Variants in CALCOCO2 observed in about 807,000 individuals in gnomAD.
CALCOCO2 encodes calcium-binding and coiled-coil domain-containing protein 2.
CALCOCO2 carries 42 observed loss-of-function variants against 62.5 expected under a neutral mutation model. That is an observed-to-expected ratio of 0.67 (90% confidence interval 0.53 to 0.87). The LOEUF (loss-of-function observed/expected upper bound fraction) is 0.87, where lower values mean the gene tolerates loss of function less well. Among genes scored for constraint, CALCOCO2 ranks in the 40% least tolerant of loss-of-function variants. The pLI is 0.00. For missense variants in CALCOCO2, 456 were observed against 515.0 expected (o/e 0.89, Z 1.11); for synonymous variants, 167 against 173.0 (o/e 0.97, Z 0.27).
Position 48,863,029 on chromosome 17 carries a change from A to G in CALCOCO2, c.*24A>G. On this transcript the variant is annotated 3_prime_UTR_variant, in exon 13 of 13. Transcript: ENST00000258947. Reference sequence around the variant, plus strand: ...GAGTATCCCAACCTCTTGGATGTATACAGAGATTTTATAGAATAGAACCTA... The same window carrying G: ...GAGTATCCCAACCTCTTGGATGTATGCAGAGATTTTATAGAATAGAACCTA... 2 of 1,554,058 alleles carry G rather than the reference A, an allele frequency of 1.3e-6. No individual in the cohort carries two copies. The highest frequency in any genetic ancestry group is 8.9e-7 in the Non-Finnish European group (1 of 1,125,444).
intron 5 of CALCOCO2, among the ~76,000 whole-genome samples, chr17:48,850,272 C>A (rs1381530695): frequency 6.6e-6 from 1 of 151,944 alleles, no homozygotes; most frequent in African/African-American, 2.4e-5. Flanking sequence ...GCACTCTAGC[C>A]TGGGCAACAG....
chr17:48,832,891 T>C (rs967907803), intron 1 of CALCOCO2, among the ~76,000 whole-genome samples: 8 of 152,150 alleles, frequency 5.3e-5, no homozygotes, highest in African/African-American at 1.9e-4. Context: ...ACTATGGTGG[T>C]GTGGATGTGA....
Position 48,848,109 on chromosome 17 carries a change from A to C in CALCOCO2, c.226A>C (p.Thr76Pro). The change falls in exon 3 of 13, where the codon ACT (threonine) becomes CCT (proline). Residue 76 changes from threonine to proline, a missense_variant. Physicochemically the swap from Thr to Pro is conservative, Grantham distance 38. Coordinates refer to ENST00000258947, the MANE Select transcript of CALCOCO2 (RefSeq NM_005831.5). ...TGAGTATTACACCTTCATGTGGGTT[A>C]CTTTGCCCATTGACCTAAACAACAA... ...TREYYTFMWV[T>P]LPIDLNNKSA... is the part of the protein sequence containing the mutation. The C allele has an allele frequency of 6.2e-7, 1 of 1,613,736 alleles. No homozygotes were observed. Among genetic ancestry groups the C allele is most frequent in the African/African-American group, 1.3e-5 (1 of 75,032 alleles).
At chr17:48,856,653 ATTCATTCATTCATTCATTGG>A (rs1289521859) in intron 10 of CALCOCO2, 2 of 453,572 alleles carry the variant, frequency 4.4e-6, no homozygotes, top group Non-Finnish European at 8.8e-6. Context: ...TCATTCATTC[ATTCATTCATTCATTCATTGG>A]TTCATTCATT....
intron 5 of CALCOCO2, among the ~76,000 whole-genome samples, chr17:48,849,901 T>C (rs896743579): frequency 9.2e-5 from 14 of 152,030 alleles, no homozygotes. Flanking sequence ...CTCACACCTG[T>C]AATACCAGCA....
At chr17:48,855,978 G>T (rs2040209338) in intron 9 of CALCOCO2, 114 bp from the exon 10 acceptor site, 1 of 478,932 alleles carries the variant, frequency 2.1e-6, no homozygotes. Context: ...TCCCAGTTGC[G>T]TTCTCCTCCA....
intron 1 of CALCOCO2, among the ~76,000 whole-genome samples, chr17:48,841,078 C>T (rs1304751000): frequency 6.6e-6 from 1 of 152,172 alleles, no homozygotes; most frequent in Non-Finnish European, 1.5e-5. Context: ...GAAACAGGCA[C>T]AGAGCCAGCA....
intron 1 of CALCOCO2, 75 bp from the exon 2 acceptor site, chr17:48,841,622 TG>T: frequency 9.6e-7 from 1 of 1,046,594 alleles, no homozygotes; most frequent in Non-Finnish European, 1.4e-6. Flanking sequence ...GAATGTTCCC[TG>T]GATGAAAGCC....
chr17:48,863,974 T>TA lies in CALCOCO2; in HGVS notation c.*975dup, dbSNP rs2040360250. The TA allele has an allele frequency of 6.6e-6, 1 of 151,170 alleles. No homozygotes were observed. Among genetic ancestry groups the TA allele is most frequent in the Non-Finnish European group, 1.5e-5 (1 of 67,862 alleles). The allele number at this position is 151,170 out of a possible 1,614,324, so 9.4% of individuals were successfully genotyped here. ...TCTCTTCACCTGTCTTAAGATTAAATAAAAAAGAGTGTCCTGGCAGTTATC... is the reference window on the plus strand; with the variant it reads ...TCTCTTCACCTGTCTTAAGATTAAATAAAAAAAGAGTGTCCTGGCAGTTATC... On this transcript the variant is annotated 3_prime_UTR_variant, in exon 13 of 13. Coordinates refer to ENST00000258947, the MANE Select transcript of CALCOCO2 (RefSeq NM_005831.5).
At chr17:48,835,643 A>G (rs1201585934) in intron 1 of CALCOCO2, among the ~76,000 whole-genome samples, 1 of 152,188 alleles carries the variant, frequency 6.6e-6, no homozygotes, top group Non-Finnish European at 1.5e-5. Context: ...GCCTCAGAAC[A>G]TGAGCTCTTT....
chr17:48,848,121 G>C lies in CALCOCO2; in HGVS notation c.238G>C (p.Asp80His). The change falls in exon 3 of 13, where the codon GAC becomes CAC. Residue 80 changes from aspartate to histidine, a missense_variant. Coordinates refer to ENST00000258947, the MANE Select transcript of CALCOCO2 (RefSeq NM_005831.5). The part of the protein sequence containing the change: ...YTFMWVTLPI[D>H]LNNKSAKQQE... Reference sequence around the variant, plus strand: ...CTTCATGTGGGTTACTTTGCCCATTGACCTAAACAACAAATCAGCTAAACA... The same window carrying C: ...CTTCATGTGGGTTACTTTGCCCATTCACCTAAACAACAAATCAGCTAAACA... The C allele has an allele frequency of 6.2e-7, 1 of 1,613,734 alleles. No homozygotes were observed. The highest frequency in any genetic ancestry group is 8.5e-7 in the Non-Finnish European group (1 of 1,179,696).
Position 48,858,048 on chromosome 17 carries a change from A to G in CALCOCO2, c.1008+1861A>G, listed in dbSNP as rs1208169854. ...AGAATAGAATAGAATAGAATAGAAA[A>G]TAGAATAGAATAGAATAGAATAGAA... On this transcript the variant is annotated intron_variant, in intron 10 of 12. Coordinates refer to ENST00000258947, the MANE Select transcript of CALCOCO2 (RefSeq NM_005831.5). 4.0e-4 allele frequency among the ~76,000 whole-genome samples: 55 copies of G among 138,792 alleles called. 1 individual carries two copies. The highest frequency in any genetic ancestry group is 2.0e-3 in the Admixed American group (28 of 13,768). 91.1% of individuals were successfully genotyped at this position (138,792 alleles called of 152,430 possible).
In CALCOCO2 at chr17:48,841,902, C is replaced by A; in HGVS notation, c.180+15C>A. ...GCATCTTTAGAGTAAGTGGTTAATT[C>A]AGTACCAAGTGATCAGGAACTAGAG... On this transcript the variant is annotated intron_variant, in intron 2 of 12. Coordinates refer to ENST00000258947, the MANE Select transcript of CALCOCO2 (RefSeq NM_005831.5). 6.3e-7 allele frequency: 1 copy of A among 1,585,208 alleles called. No individual in the cohort carries two copies. Among genetic ancestry groups the A allele is most frequent in the Non-Finnish European group, 8.6e-7 (1 of 1,158,622 alleles).
chr17:48,835,720 TTTTTCTTTTCTTTTCTTTTCTTTTC>T (rs148812139), intron 1 of CALCOCO2, among the ~76,000 whole-genome samples: 7 of 143,172 alleles, frequency 4.9e-5, no homozygotes, highest in Admixed American at 4.1e-4. Flanking sequence ...AGATTGGTTG[TTTTTCTTTTCTTTTCTTTTCTTTTC>T]TTTTCTTTTC....
Position 48,852,985 on chromosome 17 carries a change from T to G in CALCOCO2, c.885T>G (p.Thr295=). The change falls in exon 9 of 13, where the codon ACT becomes ACG. Residue 295 remains threonine (T), a synonymous_variant. Transcript: ENST00000258947. The part of the protein sequence containing the change: ...TVEQMKQNET[T]AMKKQQELMD... ...AGCAAATGAAGCAGAATGAAACTACTGCAATGAAGAAACAACAGGAATTAA... is the reference window on the plus strand; with the variant it reads ...AGCAAATGAAGCAGAATGAAACTACGGCAATGAAGAAACAACAGGAATTAA... 6.2e-7 allele frequency: 1 copy of G among 1,613,154 alleles called. No individual in the cohort carries two copies. Among genetic ancestry groups the G allele is most frequent in the Non-Finnish European group, 8.5e-7 (1 of 1,179,128 alleles).
intron 11 of CALCOCO2, 46 bp downstream of exon 11, chr17:48,860,495 C>G (rs1567760815): frequency 1.3e-6 from 2 of 1,581,578 alleles, no homozygotes; most frequent in Non-Finnish European, 1.7e-6. Flanking sequence ...TGCCTGCATC[C>G]CTTTCCCCTA....
rs568790336 is a variant in CALCOCO2, at chr17:48,840,271, A to G, written c.-10-1427A>G. 2.0e-5 allele frequency among the ~76,000 whole-genome samples: 3 copies of G among 152,196 alleles called. No individual in the cohort carries two copies. In the South Asian group the frequency reaches 6.2e-4, roughly 32 times the overall value. On this transcript the variant is annotated intron_variant, in intron 1 of 12. Coordinates refer to ENST00000258947, the MANE Select transcript of CALCOCO2 (RefSeq NM_005831.5). ...CAGCTTCCCGAGTAGCTGGGACTGCAGGTGAGCACCACCACGCCCAGCTAA... is the reference window on the plus strand; with the variant it reads ...CAGCTTCCCGAGTAGCTGGGACTGCGGGTGAGCACCACCACGCCCAGCTAA...
rs920004574 is a variant in CALCOCO2 at position 48,862,703 on chromosome 17, A to G, written c.1174-135A>G. On this transcript the variant is annotated intron_variant, in intron 12 of 12. Coordinates refer to ENST00000258947, the MANE Select transcript of CALCOCO2 (RefSeq NM_005831.5). The stretch of plus-strand genomic sequence containing the variant: ...CTTCAAATGTGCATTCTCTTCATTC[A>G]TTCACTATTTCTTGAGTGCCTAACC... The G allele has an allele frequency of 1.1e-4, 80 of 702,510 alleles. No individual in the cohort carries two copies. The African/African-American group carries it at 1.2e-3, about 11-fold the overall frequency. The allele number at this position is 702,510 out of a possible 1,614,324, so 43.5% of individuals were successfully genotyped here.
intron 11 of CALCOCO2, among the ~76,000 whole-genome samples, chr17:48,861,779 G>A (rs1174007064): frequency 6.6e-6 from 1 of 151,166 alleles, no homozygotes; most frequent in Non-Finnish European, 1.5e-5. Context: ...TGGGTGTCGT[G>A]GCTCACTCCT....
Sources: allele counts gnomAD v4.1 joint callset (sites outside exome capture counted in the v4.1 genomes callset), GRCh38; gene constraint gnomAD v4.1.1; transcripts MANE v1.5; gene names NCBI Gene and HGNC (gene_info 2026-07-23, HGNC 2026-07-21).